GMDS: variants seen among roughly 807,000 people sequenced by gnomAD.
The protein encoded by GMDS is GDP-mannose 4,6-dehydratase, also known as GDP-mannose 4,6 dehydratase.
In GMDS, 20 loss-of-function variants were observed where a neutral mutation model predicts 49.9. The ratio of observed to expected loss-of-function variants is 0.40; its 90% CI spans 0.28 to 0.58. The LOEUF is 0.58. Ranked by LOEUF, GMDS falls within the 20% of genes least tolerant of loss-of-function variation. The pLI is 0.42. For synonymous variants in GMDS, 177 were observed against 178.6 expected, an observed-to-expected ratio of 0.99 and a Z score of 0.07; for missense variants, 362 against 481.4, an observed-to-expected ratio of 0.75 and a Z score of 2.32.
intron 8 of GMDS, among the ~76,000 whole-genome samples, chr6:1,730,028 T>C (rs1385565295): frequency 6.6e-6 from 1 of 151,998 alleles, no homozygotes; most frequent in African/African-American, 2.4e-5. Context: ...TGAGTCAAGT[T>C]TGGGGACTAT....
chr6:1,867,986 G>A (rs946674636), intron 7 of GMDS, among the ~76,000 whole-genome samples: 1 of 151,634 alleles, frequency 6.6e-6, no homozygotes, highest in South Asian at 2.1e-4. Flanking sequence ...CTTCTCAACA[G>A]CTGTTCTTTT....
chr6:2,057,998 T>A (rs914772608), intron 4 of GMDS, among the ~76,000 whole-genome samples: 3 of 152,076 alleles, frequency 2.0e-5, no homozygotes, highest in Non-Finnish European at 2.9e-5. Context: ...GAGAAACATC[T>A]CCAGCCTCAA....
At chr6:1,686,605 G>T (rs897158648) in intron 9 of GMDS, among the ~76,000 whole-genome samples, 1 of 152,204 alleles carries the variant, frequency 6.6e-6, no homozygotes, top group African/African-American at 2.4e-5. Flanking sequence ...GATCTAAATA[G>T]ATCCCCCCCG....
intron 4 of GMDS, among the ~76,000 whole-genome samples, chr6:1,966,134 GA>G (rs1250109895): frequency 1.3e-5 from 2 of 152,158 alleles, no homozygotes; most frequent in Non-Finnish European, 2.9e-5. Flanking sequence ...GACCTTTACA[GA>G]AGAAGCTTCC....
intron 1 of GMDS, among the ~76,000 whole-genome samples, chr6:2,206,547 T>C (rs940151508): frequency 6.6e-5 from 10 of 152,206 alleles, no homozygotes; most frequent in African/African-American, 2.4e-4. Flanking sequence ...GTTATTTTCA[T>C]CAACTTTGTC....
chr6:1,963,925 G>C (rs955853023), intron 4 of GMDS, among the ~76,000 whole-genome samples: 14 of 152,190 alleles, frequency 9.2e-5, no homozygotes, highest in Non-Finnish European at 1.6e-4. Flanking sequence ...TAGGTACTGA[G>C]GTTCAGAAAG....
chr6:1,853,767 C>A (rs1757819987), intron 7 of GMDS, among the ~76,000 whole-genome samples: 1 of 152,188 alleles, frequency 6.6e-6, no homozygotes, highest in Non-Finnish European at 1.5e-5. Context: ...ACATTCTTAT[C>A]AGTTTGAGTT....
At chr6:2,047,509 G>A (rs142915104) in intron 4 of GMDS, among the ~76,000 whole-genome samples, 1,700 of 151,902 alleles carry the variant, frequency 0.011, 27 homozygotes, top group African/African-American at 0.033. Context: ...TTTTTGAGAC[G>A]GAGTTTCGCT....
In GMDS at chr6:1,830,887, T is replaced by C. The variant is rs560027588; in HGVS notation, c.772-88301A>G. ...AATATGCCTGTTTTGTAGACCGATATGTGAAAATGTACCCAAACACTTCAG... is the reference window on the plus strand; with the variant it reads ...AATATGCCTGTTTTGTAGACCGATACGTGAAAATGTACCCAAACACTTCAG... On this transcript the variant is annotated intron_variant, in intron 7 of 10. Transcript: ENST00000380815. Among the ~76,000 whole-genome samples, 24 of 152,324 alleles carry C rather than the reference T, an allele frequency of 1.6e-4. No individual in the cohort carries two copies. The South Asian group carries it at 3.9e-3, about 25-fold the overall frequency.
chr6:1,763,113 G>A (rs776975892), intron 7 of GMDS, among the ~76,000 whole-genome samples: 4 of 152,094 alleles, frequency 2.6e-5, no homozygotes, highest in Non-Finnish European at 5.9e-5. Context: ...TTCTAAGATC[G>A]CAAAGGGAAA....
chr6:1,650,579 T>G (rs1197398541), intron 9 of GMDS, among the ~76,000 whole-genome samples: 1 of 152,158 alleles, frequency 6.6e-6, no homozygotes, highest in African/African-American at 2.4e-5. Flanking sequence ...ACACATTTAT[T>G]TACTTATTTA....
intron 4 of GMDS, among the ~76,000 whole-genome samples, chr6:1,974,054 G>T (rs1764761785): frequency 6.6e-6 from 1 of 152,016 alleles, no homozygotes; most frequent in Non-Finnish European, 1.5e-5. Context: ...ATATTATGTG[G>T]ATAATAAGCT....
intron 8 of GMDS, among the ~76,000 whole-genome samples, chr6:1,736,205 C>A (rs1171400528): frequency 6.6e-6 from 1 of 152,188 alleles, no homozygotes; most frequent in African/African-American, 2.4e-5. Context: ...GTTGCTCCAA[C>A]AAAGGCACTA....
intron 4 of GMDS, among the ~76,000 whole-genome samples, chr6:2,020,210 A>G (rs1250128247): frequency 1.3e-5 from 2 of 152,204 alleles, no homozygotes; most frequent in African/African-American, 4.8e-5. Flanking sequence ...TTTTAAGGCT[A>G]GCCTTGAGAA....
rs538659746 is a variant in GMDS at position 2,065,641 on chromosome 6, T to C, written c.345+50130A>G. ...TGAAGAATGCAGAAGCCTCAGGAGC[T>C]GATGCGATCAACTGGAAGAAAGGGT... On this transcript the variant is annotated intron_variant, in intron 4 of 10. Coordinates refer to ENST00000380815, the MANE Select transcript of GMDS (RefSeq NM_001500.4). Among the ~76,000 whole-genome samples, 1,319 of 152,102 alleles carry C rather than the reference T, an allele frequency of 8.7e-3. 27 individuals carry two copies. The highest frequency in any genetic ancestry group is 0.039 in the Admixed American group (590 of 15,270).
At chr6:1,941,596 G>A (rs572443262) in intron 6 of GMDS, among the ~76,000 whole-genome samples, 2 of 152,276 alleles carry the variant, frequency 1.3e-5, no homozygotes, top group Admixed American at 1.3e-4. Context: ...CGTAGACAAG[G>A]AGCACAAACA....
chr6:1,917,361 C>T (rs1761458312), intron 7 of GMDS, among the ~76,000 whole-genome samples: 1 of 152,180 alleles, frequency 6.6e-6, no homozygotes, highest in Non-Finnish European at 1.5e-5. Flanking sequence ...GAGAAGACAT[C>T]AAACAAGGGT....
chr6:1,938,331 T>G (rs1762647977), intron 6 of GMDS, among the ~76,000 whole-genome samples: 1 of 152,216 alleles, frequency 6.6e-6, no homozygotes, highest in South Asian at 2.1e-4. Flanking sequence ...TCATTCTTTC[T>G]TGCATCTTTC....
chr6:2,100,800 A>G (rs1324504555), intron 4 of GMDS, among the ~76,000 whole-genome samples: 3 of 152,046 alleles, frequency 2.0e-5, no homozygotes, highest in African/African-American at 7.2e-5. Context: ...AGTGGAAAAA[A>G]TAAAACGTCC....
Sources: allele counts gnomAD v4.1 joint callset (sites outside exome capture counted in the v4.1 genomes callset), GRCh38; gene constraint gnomAD v4.1.1; transcripts MANE v1.5; gene names NCBI Gene and HGNC (gene_info 2026-07-23, HGNC 2026-07-21).